Variants in RGS6 observed in about 807,000 individuals in gnomAD.
The protein encoded by RGS6 is regulator of G-protein signaling 6.
Under a neutral mutation model 78.5 loss-of-function variants are expected in RGS6, and 30 were observed. The observed-to-expected ratio is 0.38, with a 90% CI of 0.29 to 0.52. The LOEUF is 0.52. Among genes scored for constraint, RGS6 ranks in the 20% least tolerant of loss-of-function variants. The pLI, the probability that RGS6 is intolerant of heterozygous loss-of-function variation, is 0.85. For missense variants in RGS6, 495 were observed against 609.7 expected, an observed-to-expected ratio of 0.81 and a Z score of 1.98; for synonymous variants, 206 against 206.0, an observed-to-expected ratio of 1.00 and a Z score of 0.00.
intron 2 of RGS6, among the ~76,000 whole-genome samples, chr14:72,139,664 A>AT (rs2096508151): frequency 6.6e-6 from 1 of 152,204 alleles, no homozygotes; most frequent in South Asian, 2.1e-4. Flanking sequence ...GTTTATTTAT[A>AT]TTTTTTGCCA....
intron 2 of RGS6, among the ~76,000 whole-genome samples, chr14:72,207,427 C>T (rs754075091): frequency 6.6e-6 from 1 of 152,176 alleles, no homozygotes; most frequent in Non-Finnish European, 1.5e-5. Flanking sequence ...TGGCTTCTTG[C>T]TTTCATCTTG....
At chr14:72,583,858 G>A in the RGS6 span, among the ~76,000 whole-genome samples, 6 of 152,302 alleles carry the variant, frequency 3.9e-5, no homozygotes, top group Admixed American at 6.5e-5. Context: ...GACACCCGCC[G>A]GCTTCCTGCA....
At chr14:72,256,360 AG>A (rs1345471390) in intron 2 of RGS6, among the ~76,000 whole-genome samples, 1 of 152,210 alleles carries the variant, frequency 6.6e-6, no homozygotes. Flanking sequence ...AGAATGCAAA[AG>A]TCTGAAAAAT....
intron 3 of RGS6, among the ~76,000 whole-genome samples, chr14:72,369,841 T>C (rs111980700): frequency 0.018 from 2,717 of 152,316 alleles, 86 homozygotes; most frequent in African/African-American, 0.063. Context: ...CAATTAGTTA[T>C]AAAATAAAAT....
At chr14:71,989,350 G>A (rs892847183) in intron 2 of RGS6, among the ~76,000 whole-genome samples, 16 of 152,230 alleles carry the variant, frequency 1.1e-4, no homozygotes, top group African/African-American at 3.9e-4. Context: ...CACCTGGGGA[G>A]CTGCTTACTT....
At chr14:71,964,008 TCCTTGC>T (rs1316100336) in intron 1 of RGS6, among the ~76,000 whole-genome samples, 2 of 151,676 alleles carry the variant, frequency 1.3e-5, no homozygotes, top group Admixed American at 6.6e-5. Flanking sequence ...TTTCCCTGTA[TCCTTGC>T]CAAGACTTAC....
chr14:72,221,720 T>A (rs1161222753), intron 2 of RGS6, among the ~76,000 whole-genome samples: 1 of 152,194 alleles, frequency 6.6e-6, no homozygotes, highest in African/African-American at 2.4e-5. Flanking sequence ...AAGCACCTAT[T>A]TTCCCCTTGA....
At chr14:72,082,917 A>G (rs181348975) in intron 2 of RGS6, among the ~76,000 whole-genome samples, 37 of 152,304 alleles carry the variant, frequency 2.4e-4, no homozygotes, top group East Asian at 1.4e-3. Flanking sequence ...AAGAGGGAAG[A>G]CATTTGCTCA....
chr14:71,955,708 T>C (rs2092731850), intron 1 of RGS6, among the ~76,000 whole-genome samples: 1 of 152,138 alleles, frequency 6.6e-6, no homozygotes, highest in Non-Finnish European at 1.5e-5. Context: ...TCAGCTGGCT[T>C]CTTTAGTACA....
chr14:72,443,677 G>A (rs748624361), intron 3 of RGS6, among the ~76,000 whole-genome samples: 2 of 152,198 alleles, frequency 1.3e-5, no homozygotes, highest in Non-Finnish European at 2.9e-5. Context: ...CCACTGGAAG[G>A]TAATAAAACC....
rs542899237 is a variant in RGS6 at position 71,974,325 on chromosome 14, A to G, written c.84+9450A>G. On this transcript the variant is annotated intron_variant, in intron 2 of 17. Transcript: ENST00000553525. Reference sequence around the variant, plus strand: ...CAGTACAGAGCAAAACAGAAAATGGACACATTTTTTTGATCAGCATTCTCT... The same window carrying G: ...CAGTACAGAGCAAAACAGAAAATGGGCACATTTTTTTGATCAGCATTCTCT... 9.8e-5 allele frequency among the ~76,000 whole-genome samples: 15 copies of G among 152,346 alleles called. No homozygotes were observed. In the East Asian group the frequency reaches 2.9e-3, roughly 29 times the overall value.
At chr14:72,226,218 T>C (rs1881021915) in intron 2 of RGS6, among the ~76,000 whole-genome samples, 1 of 152,202 alleles carries the variant, frequency 6.6e-6, no homozygotes, top group African/African-American at 2.4e-5. Flanking sequence ...ACCACTGAAA[T>C]CATTTTTAAT....
At chr14:72,574,641 G>A in the RGS6 span, among the ~76,000 whole-genome samples, 1 of 152,222 alleles carries the variant, frequency 6.6e-6, no homozygotes, top group East Asian at 1.9e-4. Context: ...TCTAGTAGAA[G>A]ATACAGATAC....
At chr14:72,049,375 T>A (rs938849799) in intron 2 of RGS6, among the ~76,000 whole-genome samples, 4 of 152,224 alleles carry the variant, frequency 2.6e-5, no homozygotes, top group Non-Finnish European at 5.9e-5. Context: ...TAACATGGGC[T>A]TTGATAAGGG....
chr14:72,504,411 C>T (rs1035887523), intron 13 of RGS6, among the ~76,000 whole-genome samples: 2 of 152,168 alleles, frequency 1.3e-5, no homozygotes, highest in Non-Finnish European at 2.9e-5. Flanking sequence ...TATTTAATTT[C>T]GTTGCTTGCA....
intron 2 of RGS6, among the ~76,000 whole-genome samples, chr14:72,089,029 C>T (rs1483408411): frequency 6.6e-6 from 1 of 152,226 alleles, no homozygotes; most frequent in Non-Finnish European, 1.5e-5. Flanking sequence ...CTCATTGCAC[C>T]TTTTATTATC....
At position 72,566,340 on chromosome 14, in the gene RGS6, T is replaced by A. The variant is rs576529833; in HGVS notation, c.*3873T>A. On this transcript the variant is annotated 3_prime_UTR_variant, in exon 18 of 18. Transcript: ENST00000553525. Reference sequence around the variant, plus strand: ...TCAGCTGTCTGGGGAGGGAAGGCCCTGCTCCATACCAGGGGTCCCTGTTCT... The same window carrying A: ...TCAGCTGTCTGGGGAGGGAAGGCCCAGCTCCATACCAGGGGTCCCTGTTCT... 1.2e-4 allele frequency: 19 copies of A among 152,322 alleles called. No individual in the cohort carries two copies. Among genetic ancestry groups the A allele is most frequent in the Admixed American group, 1.2e-3 (19 of 15,300 alleles). 9.4% of individuals were successfully genotyped at this position (152,322 alleles called of 1,614,324 possible).
At chr14:72,383,214 A>ATATG (rs2086788629) in intron 3 of RGS6, among the ~76,000 whole-genome samples, 1 of 73,116 alleles carries the variant, frequency 1.4e-5, no homozygotes, top group African/African-American at 5.3e-5. Context: ...ATATATATAT[A>ATATG]CACACAAACA....
chr14:72,475,830 G>GCACACACACACACACACACGCACGCA (rs1555424336), intron 10 of RGS6, among the ~76,000 whole-genome samples: 68 of 145,604 alleles, frequency 4.7e-4, no homozygotes, highest in Admixed American at 4.6e-3. Flanking sequence ...AAAAATACAC[G>GCACACACACACACACACACGCACGCA]CACACACACA....
Sources: allele counts gnomAD v4.1 joint callset (sites outside exome capture counted in the v4.1 genomes callset), GRCh38; gene constraint gnomAD v4.1.1; transcripts MANE v1.5; gene names NCBI Gene and HGNC (gene_info 2026-07-23, HGNC 2026-07-21).